Variants in ATP10B observed in about 807,000 individuals in gnomAD.
The protein encoded by ATP10B is phospholipid-transporting ATPase VB.
ATP10B carries 122 observed loss-of-function variants against 141.2 expected under a neutral mutation model. That is an observed-to-expected ratio of 0.86 (90% CI 0.75 to 1.00). The LOEUF is 1.00. Among genes scored for constraint, ATP10B ranks in the 50% least tolerant of loss-of-function variants. The pLI is 0.00. For missense variants in ATP10B, 1,876 were observed against 1,825.3 expected (o/e 1.03, Z -0.51); for synonymous variants, 685 against 692.0 (o/e 0.99, Z 0.16).
intron 15 of ATP10B, 21 bp downstream of exon 15, chr5:160,620,326 C>G (rs1421615362): frequency 2.5e-6 from 4 of 1,584,516 alleles, no homozygotes; most frequent in African/African-American, 2.7e-5. Flanking sequence ...GTGCCTGGAA[C>G]CCTGGTAAGG....
chr5:160,868,521 TACACACAC>T, the ATP10B span, among the ~76,000 whole-genome samples: 393 of 130,398 alleles, frequency 3.0e-3, 1 homozygote, highest in South Asian at 0.023. Flanking sequence ...TATGAACAGA[TACACACAC>T]ACACACACAC....
intron 2 of ATP10B, among the ~76,000 whole-genome samples, chr5:160,752,250 T>G (rs562093802): frequency 6.6e-6 from 1 of 151,824 alleles, no homozygotes; most frequent in South Asian, 2.1e-4. Flanking sequence ...TCCATTTCCC[T>G]TTGTAGCTTC....
chr5:160,604,916 C>T (rs530849430), intron 19 of ATP10B, among the ~76,000 whole-genome samples: 9 of 152,246 alleles, frequency 5.9e-5, no homozygotes, highest in East Asian at 1.9e-4. Context: ...CCCCAGAAGC[C>T]AAACTCTCCC....
At chr5:160,613,909 G>T (rs1260631616) in intron 17 of ATP10B, 1 of 152,186 alleles carries the variant, frequency 6.6e-6, no homozygotes, top group Non-Finnish European at 1.5e-5. Flanking sequence ...CAGGAGCACG[G>T]CATTTTGTTT....
At chr5:160,735,939 C>CA (rs1767086853) in intron 2 of ATP10B, among the ~76,000 whole-genome samples, 1 of 151,902 alleles carries the variant, frequency 6.6e-6, no homozygotes, top group Admixed American at 6.6e-5. Flanking sequence ...ATTCTTGAAA[C>CA]AAATGATAAT....
Position 160,666,938 on chromosome 5 carries a change from A to G in ATP10B, c.675+3525T>C, listed in dbSNP as rs115444601. 9.5e-3 allele frequency among the ~76,000 whole-genome samples: 1,451 copies of G among 152,132 alleles called. 21 individuals are homozygous for G. Among genetic ancestry groups the G allele is most frequent in the African/African-American group, 0.032 (1,329 of 41,500 alleles). ...GAGCCTTAAAAACTGAGGCTCTGGG[A>G]CCGGGCACAGTGGCTCACGCCTGTA... On this transcript the variant is annotated intron_variant, in intron 7 of 25. Transcript: ENST00000327245.
At chr5:160,745,763 T>C (rs1767769170) in intron 2 of ATP10B, among the ~76,000 whole-genome samples, 1 of 152,224 alleles carries the variant, frequency 6.6e-6, no homozygotes, top group African/African-American at 2.4e-5. Flanking sequence ...AGAGAGTAGA[T>C]GTTACTCACC....
At chr5:160,839,506 C>A (rs1775687645) in intron 1 of ATP10B, among the ~76,000 whole-genome samples, 1 of 151,482 alleles carries the variant, frequency 6.6e-6, no homozygotes. Flanking sequence ...AAACTAAACA[C>A]CAAAACAAAA....
intron 2 of ATP10B, among the ~76,000 whole-genome samples, chr5:160,759,397 A>G (rs1031971192): frequency 3.3e-5 from 5 of 152,244 alleles, no homozygotes; most frequent in African/African-American, 1.2e-4. Context: ...ACGATAACTT[A>G]TTCCAAGGCT....
intron 1 of ATP10B, among the ~76,000 whole-genome samples, chr5:160,810,722 G>A (rs1415629691): frequency 6.6e-6 from 1 of 152,022 alleles, no homozygotes; most frequent in Non-Finnish European, 1.5e-5. Context: ...TTATTATGAG[G>A]CTATGTCCTT....
At chr5:160,583,969 T>C (rs553290446) in intron 24 of ATP10B, among the ~76,000 whole-genome samples, 3 of 152,174 alleles carry the variant, frequency 2.0e-5, no homozygotes, top group Non-Finnish European at 2.9e-5. Context: ...CTGGGCTCCA[T>C]GGGGGTGGGA....
At chr5:160,698,915 G>A (rs1764524921) in intron 3 of ATP10B, among the ~76,000 whole-genome samples, 1 of 152,184 alleles carries the variant, frequency 6.6e-6, no homozygotes, top group South Asian at 2.1e-4. Flanking sequence ...CAAATGAGAA[G>A]CTTCACTTCT....
the ATP10B span, among the ~76,000 whole-genome samples, chr5:160,910,653 T>A: frequency 4.6e-5 from 7 of 152,292 alleles, no homozygotes; most frequent in South Asian, 1.5e-3. Flanking sequence ...ATTTTACTAG[T>A]AAGATAATCA....
intron 1 of ATP10B, among the ~76,000 whole-genome samples, chr5:160,849,304 T>C (rs1753649180): frequency 6.6e-6 from 1 of 152,144 alleles, no homozygotes; most frequent in African/African-American, 2.4e-5. Flanking sequence ...GAGTTCAGAT[T>C]GATACTGCAC....
At chr5:160,861,477 G>GAT in the ATP10B span, among the ~76,000 whole-genome samples, 4 of 151,844 alleles carry the variant, frequency 2.6e-5, no homozygotes, top group Non-Finnish European at 1.5e-5. Context: ...AATTTAAATA[G>GAT]ATACTTTATA....
chr5:160,621,337 G>C (rs1447380034), intron 14 of ATP10B, among the ~76,000 whole-genome samples: 1 of 152,144 alleles, frequency 6.6e-6, no homozygotes, highest in African/African-American at 2.4e-5. Flanking sequence ...AATTGGCCAT[G>C]ATCACCCAGT....
intron 3 of ATP10B, among the ~76,000 whole-genome samples, chr5:160,715,519 C>T (rs112729595): frequency 6.9e-6 from 1 of 145,728 alleles, no homozygotes; most frequent in South Asian, 2.3e-4. Context: ...CTGTCTGGCA[C>T]TCCCTAGTGA....
chr5:160,784,796 C>A (rs1771011288), intron 2 of ATP10B, among the ~76,000 whole-genome samples: 1 of 152,082 alleles, frequency 6.6e-6, no homozygotes, highest in Non-Finnish European at 1.5e-5. Flanking sequence ...TTAGAGGAAG[C>A]ACTGCTGAGA....
chr5:160,850,531 C>A (rs563339699), intron 1 of ATP10B, among the ~76,000 whole-genome samples: 7 of 152,278 alleles, frequency 4.6e-5, no homozygotes, highest in African/African-American at 1.7e-4. Flanking sequence ...TCTCTAGGTC[C>A]TAGTTTTATC....
Sources: allele counts gnomAD v4.1 joint callset (sites outside exome capture counted in the v4.1 genomes callset), GRCh38; gene constraint gnomAD v4.1.1; transcripts MANE v1.5; gene names NCBI Gene and HGNC (gene_info 2026-07-23, HGNC 2026-07-21).